Variants in LMNTD1 observed in about 807,000 individuals in gnomAD.
The protein encoded by LMNTD1 is lamin tail domain containing 1.
A neutral mutation model predicts 50.9 loss-of-function variants in LMNTD1; 35 were observed. That is an observed-to-expected ratio of 0.69 (90% CI 0.53 to 0.91). LMNTD1 has a LOEUF of 0.91. Ranked by LOEUF, LMNTD1 falls within the 40% of genes least tolerant of loss-of-function variation. The pLI, the probability that LMNTD1 is intolerant of heterozygous loss-of-function variation, is 0.00. For missense variants in LMNTD1, 470 were observed against 475.5 expected, an observed-to-expected ratio of 0.99 and a Z score of 0.11; for synonymous variants, 153 against 161.9, an observed-to-expected ratio of 0.94 and a Z score of 0.42.
At chr12:25,600,168 GA>G (rs1289012222) in intron 1 of LMNTD1, among the ~76,000 whole-genome samples, 2 of 151,828 alleles carry the variant, frequency 1.3e-5, no homozygotes, top group Non-Finnish European at 2.9e-5. Flanking sequence ...ACTCATTTTT[GA>G]AAAAGGTGCC....
chr12:25,529,711 C>A (rs561121320), intron 4 of LMNTD1, among the ~76,000 whole-genome samples: 125 of 152,254 alleles, frequency 8.2e-4, no homozygotes, highest in Non-Finnish European at 1.7e-3. Context: ...AAACATTCTC[C>A]ACTTTGCTTC....
chr12:25,535,301 A>T (rs1406554603), intron 4 of LMNTD1, among the ~76,000 whole-genome samples: 3 of 151,812 alleles, frequency 2.0e-5, no homozygotes, highest in Non-Finnish European at 4.4e-5. Context: ...ATAAAAAATA[A>T]CAGAGCATTA....
chr12:25,586,758 A>C (rs1023686348), intron 1 of LMNTD1, among the ~76,000 whole-genome samples: 2 of 152,206 alleles, frequency 1.3e-5, no homozygotes, highest in Non-Finnish European at 2.9e-5. Flanking sequence ...ACGATGGTGA[A>C]CTGGATCTCT....
At chr12:25,574,188 C>G (rs1329978203) in intron 1 of LMNTD1, among the ~76,000 whole-genome samples, 1 of 152,190 alleles carries the variant, frequency 6.6e-6, no homozygotes, top group Non-Finnish European at 1.5e-5. Flanking sequence ...CTCTAGAACC[C>G]TTTGCCACCT....
At chr12:25,519,600 A>AAAAAAAAAAAAAAAAAG (rs1941126869) in intron 7 of LMNTD1, among the ~76,000 whole-genome samples, 2 of 147,098 alleles carry the variant, frequency 1.4e-5, no homozygotes, top group Non-Finnish European at 3.0e-5. Context: ...AAAAAAAAAA[A>AAAAAAAAAAAAAAAAAG]AAAAAAAAGT....
intron 4 of LMNTD1, among the ~76,000 whole-genome samples, chr12:25,543,284 C>T (rs2666789): frequency 0.64 from 97,025 of 151,768 alleles, 31,844 homozygotes; most frequent in Non-Finnish European, 0.71. Flanking sequence ...GTGGAATTAC[C>T]GTGATACCAA....
chr12:25,530,047 A>G (rs1311108455), intron 4 of LMNTD1, among the ~76,000 whole-genome samples: 20 of 152,172 alleles, frequency 1.3e-4, no homozygotes, highest in Admixed American at 1.3e-3. Flanking sequence ...TATCATAGGT[A>G]CAAAATGGAA....
intron 1 of LMNTD1, among the ~76,000 whole-genome samples, chr12:25,589,379 A>G (rs1297893569): frequency 6.6e-6 from 1 of 152,228 alleles, no homozygotes; most frequent in East Asian, 1.9e-4. Context: ...GGATACATAC[A>G]ACAGTGGTAA....
At chr12:25,557,324 C>G (rs1391236333), upstream of LMNTD1, 2 of 152,164 alleles carry the variant, frequency 1.3e-5, no homozygotes, top group African/African-American at 4.8e-5. Flanking sequence ...AAGTTTCAGA[C>G]AGTTTGTTCA....
At chr12:25,589,979 G>A (rs1945647884) in intron 1 of LMNTD1, among the ~76,000 whole-genome samples, 1 of 152,066 alleles carries the variant, frequency 6.6e-6, no homozygotes, top group Non-Finnish European at 1.5e-5. Context: ...CCAGAGAAGG[G>A]GCAGAGCAAG....
rs183796487 is a variant in LMNTD1, at chr12:25,481,804, G to A, written c.*23-5344C>T. Among the ~76,000 whole-genome samples, 127 of 148,326 alleles carry A rather than the reference G, an allele frequency of 8.6e-4. 1 individual carries two copies. The highest frequency in any genetic ancestry group is 2.9e-3 in the African/African-American group (114 of 39,904). ...TCGAGCACTCAGGTTCTTTCAAATC[G>A]CAACCTAACTACCTAGTTTACTTAC... is the stretch of plus-strand genomic sequence containing the variant. On this transcript the variant is annotated intron_variant, in intron 9 of 9. Coordinates refer to ENST00000458174, the MANE Select transcript of LMNTD1 (RefSeq NM_001145728.2).
At chr12:25,527,675 T>TATATATATATATATATATATA (rs1941878655) in intron 4 of LMNTD1, among the ~76,000 whole-genome samples, 1 of 22,004 alleles carries the variant, frequency 4.5e-5, no homozygotes, top group African/African-American at 1.2e-4. Context: ...TATATATATA[T>TATATATATATATATATATATA]ATATATACAC....
intron 8 of LMNTD1, 81 bp from the exon 9 acceptor site, chr12:25,503,881 T>C (rs1263130010): frequency 1.7e-5 from 12 of 700,202 alleles, no homozygotes; most frequent in East Asian, 2.8e-5. Flanking sequence ...ATTCCAAGTA[T>C]TGATTTTTCC....
At chr12:25,640,348 A>C (rs1946928887) in intron 1 of LMNTD1, among the ~76,000 whole-genome samples, 1 of 152,088 alleles carries the variant, frequency 6.6e-6, no homozygotes, top group Non-Finnish European at 1.5e-5. Context: ...TGTCTCTACA[A>C]AAAATACAAA....
intron 1 of LMNTD1, among the ~76,000 whole-genome samples, chr12:25,613,373 T>C (rs948628468): frequency 2.6e-5 from 4 of 152,216 alleles, no homozygotes; most frequent in Admixed American, 2.0e-4. Context: ...TACCGTTTTT[T>C]AGCTAGATCT....
intron 1 of LMNTD1, among the ~76,000 whole-genome samples, chr12:25,590,476 C>T (rs554633453): frequency 7.2e-5 from 11 of 152,288 alleles, no homozygotes; most frequent in African/African-American, 2.4e-4. Flanking sequence ...GTCTAGGCCA[C>T]AAGGACTGCA....
chr12:25,527,717 C>T (rs1447680954), intron 4 of LMNTD1, among the ~76,000 whole-genome samples: 3 of 126,442 alleles, frequency 2.4e-5, no homozygotes, highest in African/African-American at 8.6e-5. Context: ...CACACACACA[C>T]ACATATACAC....
chr12:25,637,209 AAAAG>A (rs1429117038), intron 1 of LMNTD1, among the ~76,000 whole-genome samples: 3 of 152,220 alleles, frequency 2.0e-5, no homozygotes, highest in Admixed American at 6.5e-5. Context: ...AAGAAACAGG[AAAAG>A]GTCACCCATA....
At position 25,476,321 on chromosome 12, in the gene LMNTD1, A is replaced by G. The variant is rs1334325926; in HGVS notation, c.*162T>C. 1 of 152,206 alleles carries G rather than the reference A, an allele frequency of 6.6e-6. No homozygotes were observed. The highest frequency in any genetic ancestry group is 1.5e-5 in the Non-Finnish European group (1 of 68,042). 9.4% of individuals were successfully genotyped at this position (152,206 alleles called of 1,614,324 possible). ...TATAATTCACCAATTCTACAGCAATACAAATTTTGGATCCTTTTTCCATAT... is the reference window on the plus strand; with the variant it reads ...TATAATTCACCAATTCTACAGCAATGCAAATTTTGGATCCTTTTTCCATAT... On this transcript the variant is annotated 3_prime_UTR_variant, in exon 10 of 10. Transcript: ENST00000458174.
Sources: gnomAD v4.1 joint callset for allele counts (sites outside exome capture counted in the v4.1 genomes callset) on GRCh38, gnomAD v4.1.1 for gene constraint, MANE v1.5 for transcripts, NCBI Gene and HGNC (gene_info 2026-07-23, HGNC 2026-07-21) for gene names.